The following C2 variants were observed in gnomAD, a reference collection of about 807,000 sequenced individuals.
C2 encodes complement C2.
In C2, 64 loss-of-function variants were observed where a neutral mutation model predicts 85.2. The observed-to-expected ratio is 0.75, with a 90% CI of 0.61 to 0.92. The LOEUF is 0.92. Among genes scored for constraint, C2 ranks in the 40% least tolerant of loss-of-function variants. The pLI is 0.00. For missense variants in C2, 820 were observed against 971.6 expected (o/e 0.84, Z 2.07); for synonymous variants, 311 against 370.8 (o/e 0.84, Z 1.85).
At chr6:31,902,805 G>A (rs1317478292) in intron 1 of C2, among the ~76,000 whole-genome samples, 3 of 151,978 alleles carry the variant, frequency 2.0e-5, no homozygotes, top group Admixed American at 2.0e-4. Context: ...CAAGGCAGTC[G>A]CCCTCCGCTT....
At chr6:31,915,839 A>G (rs1221650432), upstream of C2, among the ~76,000 whole-genome samples, 1 of 152,222 alleles carries the variant, frequency 6.6e-6, no homozygotes, top group Non-Finnish European at 1.5e-5. Flanking sequence ...ATTCCATCCT[A>G]TCATGTGCCT....
chr6:31,902,920 C>T (rs976849365), intron 1 of C2, among the ~76,000 whole-genome samples: 13 of 152,174 alleles, frequency 8.5e-5, no homozygotes, highest in Non-Finnish European at 1.5e-4. Context: ...CTCTAATCTT[C>T]CACCGCTCCG....
chr6:31,912,869 G>T (rs1258483727), intron 1 of C2, among the ~76,000 whole-genome samples: 3 of 135,508 alleles, frequency 2.2e-5, no homozygotes, highest in Non-Finnish European at 4.8e-5. Flanking sequence ...AAAGAGATTG[G>T]TTACCACATT....
chr6:31,921,838 G>T lies in C2; in HGVS notation c.-100+1812G>T, dbSNP rs553615639. 1.3e-5 allele frequency among the ~76,000 whole-genome samples: 2 copies of T among 152,304 alleles called. No individual in the cohort carries two copies. Among genetic ancestry groups the T allele is most frequent in the African/African-American group, 4.8e-5 (2 of 41,564 alleles). Reference sequence around the variant, plus strand: ...CCCAGAAGCAGACCTGGAGACAAGGGTTCCAGTGCAGACAGTGCATTCTGG... The same window carrying T: ...CCCAGAAGCAGACCTGGAGACAAGGTTTCCAGTGCAGACAGTGCATTCTGG... On this transcript the variant is annotated intron_variant, in intron 1 of 3. Transcript: ENST00000413154. The surrounding 1 kb of genome is among the most constrained non-coding windows in gnomAD (Gnocchi z 4.6).
Position 31,935,135 on chromosome 6 carries a change from A to G in C2, c.850-788A>G, listed in dbSNP as rs1188991744. On this transcript the variant is annotated intron_variant, in intron 6 of 17. Transcript: ENST00000299367. The surrounding 1 kb of genome is among the most constrained non-coding windows in gnomAD (Gnocchi z 4.3). ...TGCTTTTCACAATACTTCATGTAAC[A>G]TTATAGATGGTTTTCCCTCCCAGCT... The G allele has an allele frequency of 1.1e-6, 1 of 935,282 alleles. No individual in the cohort carries two copies. The highest frequency in any genetic ancestry group is 1.3e-6 in the Non-Finnish European group (1 of 784,260). The allele number at this position is 935,282 out of a possible 1,614,324, so 57.9% of individuals were successfully genotyped here.
intron 3 of C2, among the ~76,000 whole-genome samples, chr6:31,931,210 A>G (rs1267425995): frequency 6.7e-6 from 1 of 150,174 alleles, no homozygotes; most frequent in East Asian, 1.9e-4. Flanking sequence ...CCTGATGGAC[A>G]TTTGGATTAT....
At chr6:31,900,902 T>C, upstream of C2, 4 of 1,614,102 alleles carry the variant, frequency 2.5e-6, no homozygotes, top group Non-Finnish European at 3.4e-6. This position sits in a 1 kb window ranked among gnomAD's most constrained non-coding sequence, Gnocchi z 9.7. Context: ...GACCCCATCC[T>C]CTTTGAGGCC....
intron 6 of C2, chr6:31,934,917 A>G: frequency 4.0e-6 from 1 of 247,634 alleles, no homozygotes; most frequent in Non-Finnish European, 6.4e-6. Context: ...ATGAGGCAGG[A>G]GAATCGCTTG....
At position 31,936,019 on chromosome 6, in the gene C2, A is replaced by G. The variant is rs1184201444; in HGVS notation, c.946A>G (p.Met316Val). 9.3e-6 allele frequency: 15 copies of G among 1,612,938 alleles called. No individual in the cohort carries two copies. The highest frequency in any genetic ancestry group is 1.0e-5 in the Non-Finnish European group (12 of 1,180,028). ...MSVLNDNSRD[M>V]TEVISSLENA... ...TGTCCTGAACGACAACTCCCGGGATATGACTGAGGTGATCAGCAGCCTGGA... is the reference window on the plus strand; with the variant it reads ...TGTCCTGAACGACAACTCCCGGGATGTGACTGAGGTGATCAGCAGCCTGGA... The change falls in exon 7 of 18, where the codon ATG becomes GTG. Residue 316 changes from methionine to valine, a missense_variant. Coordinates refer to ENST00000299367, the MANE Select transcript of C2 (RefSeq NM_000063.6).
At chr6:31,907,704 A>T (rs1454315581) in intron 1 of C2, among the ~76,000 whole-genome samples, 1 of 151,376 alleles carries the variant, frequency 6.6e-6, no homozygotes, top group African/African-American at 2.4e-5. Context: ...TTTTAGACAG[A>T]GTCTTGCTCT....
chr6:31,914,079 G>T (rs1158094749), intron 1 of C2, among the ~76,000 whole-genome samples: 1 of 151,182 alleles, frequency 6.6e-6, no homozygotes, highest in African/African-American at 2.4e-5. Flanking sequence ...ATGCCAACAC[G>T]CCCAGTTAAG....
upstream of C2, among the ~76,000 whole-genome samples, chr6:31,926,418 T>C (rs568473362): frequency 1.2e-4 from 18 of 145,880 alleles, no homozygotes; most frequent in Middle Eastern, 7.7e-3. Context: ...CTGCAACCTC[T>C]GCCTCCCGGG....
intron 3 of C2, 72 bp downstream of exon 3, chr6:31,928,989 C>A: frequency 7.2e-7 from 1 of 1,384,194 alleles, no homozygotes; most frequent in Non-Finnish European, 1.0e-6. Context: ...CAATGTGCAT[C>A]CAGGAAGCCT....
At chr6:31,931,716 C>G (rs968371575) in intron 3 of C2, among the ~76,000 whole-genome samples, 2 of 152,176 alleles carry the variant, frequency 1.3e-5, no homozygotes, top group African/African-American at 2.4e-5. Flanking sequence ...CCCCACCTTT[C>G]CCCCCTTTCT....
upstream of C2, among the ~76,000 whole-genome samples, chr6:31,916,297 G>A (rs1431098254): frequency 1.3e-5 from 2 of 152,156 alleles, no homozygotes; most frequent in African/African-American, 4.8e-5. Flanking sequence ...GGTGGCTCAC[G>A]CCTGTAATCC....
intron 8 of C2, among the ~76,000 whole-genome samples, chr6:31,938,257 G>C (rs1488888717): frequency 2.0e-5 from 3 of 151,960 alleles, no homozygotes. Flanking sequence ...GGAACAGTCT[G>C]TAGTGGATCT....
At chr6:31,899,872 C>G (rs1767064725), upstream of C2, 1 of 1,505,550 alleles carries the variant, frequency 6.6e-7, no homozygotes, top group Non-Finnish European at 8.8e-7. Context: ...GCCAAAGAGC[C>G]CTTTTTCCAC....
intron 1 of C2, chr6:31,901,939 A>C: frequency 7.2e-6 from 1 of 139,162 alleles, no homozygotes; most frequent in Non-Finnish European, 1.5e-5. Context: ...GGCAGCGCGC[A>C]GGCGCGGGGA....
intron 9 of C2, chr6:31,941,353 T>TG (rs1770865434): frequency 6.6e-6 from 1 of 152,172 alleles, no homozygotes; most frequent in African/African-American, 2.4e-5. Context: ...AACCTTGGCT[T>TG]GCGGCAGCAT....
Sources: gnomAD v4.1 joint callset for allele counts (sites outside exome capture counted in the v4.1 genomes callset) on GRCh38, gnomAD v4.1.1 for gene constraint, Gnocchi (gnomAD v3.1) non-coding constraint, MANE v1.5 for transcripts, NCBI Gene and HGNC (gene_info 2026-07-23, HGNC 2026-07-21) for gene names.